The following SPAG16 variants were observed in gnomAD, a reference collection of about 807,000 sequenced individuals.
The protein encoded by SPAG16 is sperm-associated antigen 16 protein.
In SPAG16, 86 loss-of-function variants were observed where a neutral mutation model predicts 80.4. The ratio of observed to expected loss-of-function variants is 1.07; its 90% CI spans 0.90 to 1.28. SPAG16 has a LOEUF of 1.28. SPAG16 is among the 50% of genes most tolerant of loss of function. The pLI is 0.00. For synonymous variants in SPAG16, 294 were observed against 265.9 expected (o/e 1.11, Z -1.03); for missense variants, 870 against 765.3 (o/e 1.14, Z -1.61).
chr2:213,287,523 G>T (rs1383792618), intron 1 of SPAG16, among the ~76,000 whole-genome samples: 2 of 152,164 alleles, frequency 1.3e-5, no homozygotes, highest in Admixed American at 6.5e-5. Flanking sequence ...GAGCTTCAAG[G>T]TATTGTTTTT....
chr2:213,408,901 T>G (rs2068808924), intron 9 of SPAG16, among the ~76,000 whole-genome samples: 1 of 152,190 alleles, frequency 6.6e-6, no homozygotes, highest in Non-Finnish European at 1.5e-5. Context: ...CTTAGAAGGT[T>G]TTCAAGAAAC....
chr2:213,878,424 GC>G (rs1417100877), intron 11 of SPAG16, among the ~76,000 whole-genome samples: 2 of 151,816 alleles, frequency 1.3e-5, no homozygotes, highest in African/African-American at 4.8e-5. Context: ...TTGTCAATAT[GC>G]TTTTTGGCCA....
rs182187481 is a variant in SPAG16, at chr2:213,447,307, T to A, written c.943-42656T>A. Reference sequence around the variant, plus strand: ...AGGGCATTACCCCCACAAGGCCTCATATGATATTCCCCATTCTGAGCCCAG... The same window carrying A: ...AGGGCATTACCCCCACAAGGCCTCAAATGATATTCCCCATTCTGAGCCCAG... On this transcript the variant is annotated intron_variant, in intron 9 of 15. Transcript: ENST00000331683. Among the ~76,000 whole-genome samples, 11 of 152,278 alleles carry A rather than the reference T, an allele frequency of 7.2e-5. 1 individual carries two copies. The highest frequency in any genetic ancestry group is 2.6e-4 in the African/African-American group (11 of 41,564).
chr2:213,988,086 A>T (rs1373623540), intron 12 of SPAG16, among the ~76,000 whole-genome samples: 1 of 151,942 alleles, frequency 6.6e-6, no homozygotes, highest in African/African-American at 2.4e-5. Flanking sequence ...AAGATAGATA[A>T]ATAATTAGTG....
intron 10 of SPAG16, among the ~76,000 whole-genome samples, chr2:213,579,800 C>A (rs1440421388): frequency 6.6e-6 from 1 of 152,120 alleles, no homozygotes; most frequent in South Asian, 2.1e-4. Flanking sequence ...CCTCCCAATT[C>A]TCCCCTGGTA....
chr2:213,794,516 T>G (rs2070902367), intron 10 of SPAG16, among the ~76,000 whole-genome samples: 1 of 152,120 alleles, frequency 6.6e-6, no homozygotes, highest in African/African-American at 2.4e-5. Flanking sequence ...TTCCTTTCCC[T>G]TATGTTGATT....
intron 10 of SPAG16, among the ~76,000 whole-genome samples, chr2:213,678,236 A>G (rs2064194989): frequency 6.6e-6 from 1 of 152,202 alleles, no homozygotes; most frequent in Non-Finnish European, 1.5e-5. Context: ...AACACATTCA[A>G]AAGCCAGCAG....
intron 9 of SPAG16, chr2:213,396,684 A>G (rs898163948): frequency 2.2e-6 from 1 of 456,036 alleles, no homozygotes; most frequent in African/African-American, 2.0e-5. Flanking sequence ...ACACCAGCAC[A>G]TCGACTAAGA....
chr2:214,299,242 ACT>A (rs1491524677), intron 15 of SPAG16, among the ~76,000 whole-genome samples: 44 of 112,082 alleles, frequency 3.9e-4, no homozygotes, highest in Non-Finnish European at 6.6e-4. Context: ...AGTGTAGTAT[ACT>A]TTTTTTTTTT....
chr2:213,779,384 A>C (rs953388648), intron 10 of SPAG16, among the ~76,000 whole-genome samples: 5 of 152,182 alleles, frequency 3.3e-5, no homozygotes, highest in Non-Finnish European at 5.9e-5. Context: ...ATGAATTTAA[A>C]AATTTTAAAA....
At chr2:213,698,057 A>G (rs1475127379) in intron 10 of SPAG16, among the ~76,000 whole-genome samples, 1 of 152,000 alleles carries the variant, frequency 6.6e-6, no homozygotes, top group Non-Finnish European at 1.5e-5. Flanking sequence ...CCAGTATATT[A>G]TTTTTACTTC....
At chr2:213,596,263 G>A (rs1010175863) in intron 10 of SPAG16, among the ~76,000 whole-genome samples, 4 of 151,976 alleles carry the variant, frequency 2.6e-5, no homozygotes, top group African/African-American at 9.7e-5. Context: ...ATGTTGATTT[G>A]AACTTTGAAA....
chr2:214,315,501 T>TTTTA (rs145465479), intron 15 of SPAG16, among the ~76,000 whole-genome samples: 3,237 of 144,210 alleles, frequency 0.022, 57 homozygotes, highest in South Asian at 0.03. Flanking sequence ...GCCCCATCTT[T>TTTTA]TTTATTTATT....
chr2:213,363,654 G>A (rs2066119233), intron 7 of SPAG16, among the ~76,000 whole-genome samples: 1 of 151,934 alleles, frequency 6.6e-6, no homozygotes, highest in Non-Finnish European at 1.5e-5. Flanking sequence ...AGAGTTGGGG[G>A]AATAAAAACA....
rs114613105 is a variant in SPAG16, at chr2:213,715,727, G to A, written c.1071-146758G>A. 2.3e-3 allele frequency among the ~76,000 whole-genome samples: 343 copies of A among 152,234 alleles called. 4 individuals are homozygous for A. Among genetic ancestry groups the A allele is most frequent in the African/African-American group, 7.9e-3 (329 of 41,530 alleles). ...GACATTAGTTGTATGGCTTTTTGAG[G>A]TTAATTTCTGCATGTCACAAAGCAC... On this transcript the variant is annotated intron_variant, in intron 10 of 15. Coordinates refer to ENST00000331683, the MANE Select transcript of SPAG16 (RefSeq NM_024532.5).
At chr2:213,903,336 T>C (rs2077297800) in intron 11 of SPAG16, among the ~76,000 whole-genome samples, 1 of 152,202 alleles carries the variant, frequency 6.6e-6, no homozygotes. Context: ...GGTGTTTCTA[T>C]ACATCTTCTG....
At chr2:213,891,347 T>C (rs1285565207) in intron 11 of SPAG16, among the ~76,000 whole-genome samples, 2 of 152,240 alleles carry the variant, frequency 1.3e-5, no homozygotes, top group East Asian at 1.9e-4. Flanking sequence ...TAATATTTTA[T>C]GGCTTTCAAA....
chr2:214,019,444 C>G (rs1042175505), intron 13 of SPAG16, among the ~76,000 whole-genome samples: 13 of 152,170 alleles, frequency 8.5e-5, no homozygotes, highest in African/African-American at 2.9e-4. Context: ...ATGACCTGGA[C>G]TGCCTTTAGT....
chr2:213,506,805 T>C (rs910317126), intron 10 of SPAG16, among the ~76,000 whole-genome samples: 13 of 152,246 alleles, frequency 8.5e-5, no homozygotes, highest in Non-Finnish European at 1.8e-4. Context: ...CAGGTTAAGC[T>C]TGATTTGCTG....
Sources: allele counts gnomAD v4.1 joint callset (sites outside exome capture counted in the v4.1 genomes callset), GRCh38; gene constraint gnomAD v4.1.1; transcripts MANE v1.5; gene names NCBI Gene and HGNC (gene_info 2026-07-23, HGNC 2026-07-21).